Variants in CCDC171 observed in about 807,000 individuals in gnomAD.
CCDC171 encodes coiled-coil domain containing 171.
CCDC171 carries 177 observed loss-of-function variants against 168.2 expected under a neutral mutation model. The ratio of observed to expected loss-of-function variants is 1.05; its 90% CI spans 0.93 to 1.19. CCDC171 has a LOEUF of 1.19. Among genes scored for constraint, CCDC171 ranks in the 50% most tolerant of loss-of-function variants. The pLI is 0.00. For missense variants in CCDC171, 1,991 were observed against 1,539.0 expected, an observed-to-expected ratio of 1.29 and a Z score of -4.91; for synonymous variants, 687 against 540.8, an observed-to-expected ratio of 1.27 and a Z score of -3.75.
intron 23 of CCDC171, among the ~76,000 whole-genome samples, chr9:15,866,400 G>T (rs1331796257): frequency 6.6e-6 from 1 of 151,990 alleles, no homozygotes; most frequent in African/African-American, 2.4e-5. Context: ...GTGATGGTAG[G>T]TGGTGTCAGA....
chr9:15,859,480 G>A (rs2061470434), intron 23 of CCDC171, among the ~76,000 whole-genome samples: 1 of 151,592 alleles, frequency 6.6e-6, no homozygotes, highest in South Asian at 2.1e-4. Context: ...TTATTTAATT[G>A]TTTTATAGAA....
the CCDC171 span, among the ~76,000 whole-genome samples, chr9:16,107,205 G>A: frequency 2.6e-5 from 4 of 152,104 alleles, no homozygotes; most frequent in South Asian, 2.1e-4. Context: ...GCTGGAGTGC[G>A]GTGGTATGAT....
At chr9:15,770,015 C>CA (rs546443185) in intron 18 of CCDC171, among the ~76,000 whole-genome samples, 2 of 152,082 alleles carry the variant, frequency 1.3e-5, no homozygotes, top group African/African-American at 4.8e-5. Flanking sequence ...GACTTTAGGA[C>CA]AAAAAAACTT....
At chr9:15,877,518 C>A (rs1818013531) in intron 24 of CCDC171, among the ~76,000 whole-genome samples, 1 of 152,022 alleles carries the variant, frequency 6.6e-6, no homozygotes, top group South Asian at 2.1e-4. Flanking sequence ...CACAGCCTAC[C>A]ATAGCTTCTT....
intron 18 of CCDC171, 63 bp downstream of exon 18, chr9:15,745,694 T>C: frequency 1.1e-6 from 1 of 943,612 alleles, no homozygotes; most frequent in Non-Finnish European, 1.6e-6. Flanking sequence ...AGAAATTCTT[T>C]ATGTCACAAA....
At chr9:15,928,721 A>G (rs1298957654) in intron 25 of CCDC171, among the ~76,000 whole-genome samples, 1 of 151,724 alleles carries the variant, frequency 6.6e-6, no homozygotes, top group Non-Finnish European at 1.5e-5. Context: ...TTTGGATACT[A>G]ATAGAGCTGA....
intron 18 of CCDC171, among the ~76,000 whole-genome samples, chr9:15,762,769 T>C (rs1288722819): frequency 1.3e-5 from 2 of 152,310 alleles, no homozygotes; most frequent in Non-Finnish European, 1.5e-5. Context: ...GCACATTCTT[T>C]TCACCTGTTT....
the CCDC171 span, among the ~76,000 whole-genome samples, chr9:16,102,078 C>A: frequency 6.6e-6 from 1 of 152,204 alleles, no homozygotes; most frequent in African/African-American, 2.4e-5. Context: ...CTCCCTGCAT[C>A]CTGTGGTCTC....
chr9:16,082,157 C>A, the CCDC171 span, among the ~76,000 whole-genome samples: 1 of 152,116 alleles, frequency 6.6e-6, no homozygotes, highest in African/African-American at 2.4e-5. Context: ...AAATCATGAC[C>A]TTTCATTTCT....
At chr9:15,988,788 G>T (rs933176433) in intron 3 of CCDC171, among the ~76,000 whole-genome samples, 1 of 152,162 alleles carries the variant, frequency 6.6e-6, no homozygotes, top group African/African-American at 2.4e-5. Context: ...TATATCCCGC[G>T]CCTGGCTCGG....
chr9:15,923,629 A>G (rs1208821658), intron 25 of CCDC171, among the ~76,000 whole-genome samples: 4 of 151,344 alleles, frequency 2.6e-5, no homozygotes, highest in African/African-American at 7.3e-5. Context: ...TGAAAAGTGC[A>G]AAGAGTGGAT....
intron 8 of CCDC171, among the ~76,000 whole-genome samples, chr9:15,657,798 C>G (rs1167065309): frequency 1.3e-5 from 2 of 152,054 alleles, no homozygotes; most frequent in Admixed American, 6.6e-5. Context: ...AGGATTAAAT[C>G]TGGGAGGGGA....
chr9:15,985,622 C>T (rs552309215), intron 3 of CCDC171, among the ~76,000 whole-genome samples: 1 of 152,282 alleles, frequency 6.6e-6, no homozygotes, highest in Non-Finnish European at 1.5e-5. Context: ...GATTCTTCAA[C>T]TTTCCAACTT....
chr9:15,800,238 A>T (rs2058754831), intron 21 of CCDC171, among the ~76,000 whole-genome samples: 1 of 152,046 alleles, frequency 6.6e-6, no homozygotes, highest in Non-Finnish European at 1.5e-5. Context: ...CACCAACAGC[A>T]TACAAAGGTT....
At chr9:15,926,510 C>T (rs3008682) in intron 25 of CCDC171, among the ~76,000 whole-genome samples, 127,550 of 151,526 alleles carry the variant, frequency 0.84, 53,746 homozygotes, top group East Asian at 0.96. Flanking sequence ...TCTTTCTTGA[C>T]CTCTCTCATA....
chr9:15,952,507 C>G lies in CCDC171; in HGVS notation c.3754-19102C>G, dbSNP rs934790906. Reference sequence around the variant, plus strand: ...CGGTCTGCTGGGTTCAAGTGATTCTCCTGCCTCAGCCTCCCAAGTAGGTGG... The same window carrying G: ...CGGTCTGCTGGGTTCAAGTGATTCTGCTGCCTCAGCCTCCCAAGTAGGTGG... On this transcript the variant is annotated intron_variant, in intron 25 of 25. Transcript: ENST00000380701. Among the ~76,000 whole-genome samples, 10 of 152,232 alleles carry G rather than the reference C, an allele frequency of 6.6e-5. No homozygotes were observed. In the East Asian group the frequency reaches 1.4e-3, roughly 21 times the overall value.
At chr9:16,087,838 T>C in the CCDC171 span, among the ~76,000 whole-genome samples, 3 of 152,164 alleles carry the variant, frequency 2.0e-5, no homozygotes, top group Admixed American at 2.0e-4. Flanking sequence ...TTCTTCATAG[T>C]GTCAATGGTC....
intron 18 of CCDC171, among the ~76,000 whole-genome samples, chr9:15,761,580 A>G (rs2056446548): frequency 6.6e-6 from 1 of 152,230 alleles, no homozygotes; most frequent in Non-Finnish European, 1.5e-5. Context: ...TAATATGCAC[A>G]GTAAAGTTTG....
In CCDC171 at chr9:15,816,268, T is replaced by A. The variant is rs1188943271; in HGVS notation, c.3268-30434T>A. Among the ~76,000 whole-genome samples the A allele has an allele frequency of 5.9e-5, 7 of 118,136 alleles. 3 individuals are homozygous for A. In the East Asian group the frequency reaches 1.5e-3, roughly 25 times the overall value. The allele number at this position is 118,136 out of a possible 152,430, so 77.5% of individuals were successfully genotyped here. A position where few individuals can be genotyped will look rare whatever the true frequency, so the allele number is the denominator to read the frequency against. On this transcript the variant is annotated intron_variant, in intron 21 of 25. Transcript: ENST00000380701. ...AAATTAAAATATTTGAATCATACAG[T>A]TCAATTTGTATAAACTTTTTTACAA...
Sources: gnomAD v4.1 joint callset for allele counts (sites outside exome capture counted in the v4.1 genomes callset) on GRCh38, gnomAD v4.1.1 for gene constraint, MANE v1.5 for transcripts, NCBI Gene and HGNC (gene_info 2026-07-23, HGNC 2026-07-21) for gene names.